The following GAREM2 variants were observed in gnomAD, a reference collection of about 807,000 sequenced individuals.
GAREM2 encodes the protein GRB2-associated and regulator of MAPK protein 2.
GAREM2 carries 30 observed loss-of-function variants against 55.6 expected under a neutral mutation model. The observed-to-expected ratio is 0.54, with a 90% confidence interval of 0.40 to 0.73. The LOEUF (loss-of-function observed/expected upper bound fraction) is 0.73, where lower values mean the gene tolerates loss of function less well. Ranked by LOEUF, GAREM2 falls within the 30% of genes least tolerant of loss-of-function variation. The pLI is 0.00. For synonymous variants in GAREM2, 550 were observed against 569.1 expected (o/e 0.97, Z 0.48); for missense variants, 1,075 against 1,257.7 (o/e 0.85, Z 2.20).
chr2:26,181,906 A>G (rs4665832), intron 2 of GAREM2: 479,214 of 600,004 alleles, frequency 0.8, 192,394 homozygotes, highest in African/African-American at 0.95. Flanking sequence ...TTGAGCCCAG[A>G]AGGTTGAAGC....
At chr2:26,201,375 G>T in the GAREM2 span, 1 of 1,210,994 alleles carries the variant, frequency 8.3e-7, no homozygotes, top group Non-Finnish European at 1.2e-6. Context: ...AACGTTTATT[G>T]AATGTCCATG....
chr2:26,204,088 G>C, the GAREM2 span: 1 of 1,613,944 alleles, frequency 6.2e-7, no homozygotes, highest in African/African-American at 1.3e-5. Context: ...GCTGTCCTCG[G>C]TCTAGCGCAG....
downstream of GAREM2, chr2:26,193,669 T>C: frequency 6.2e-7 from 1 of 1,613,986 alleles, no homozygotes; most frequent in Non-Finnish European, 8.5e-7. Flanking sequence ...TTCCGCCACA[T>C]GTTTCGCTAC....
chr2:26,184,536 C>A lies in GAREM2; in HGVS notation c.688C>A (p.Pro230Thr). The A allele has an allele frequency of 1.3e-6, 2 of 1,547,682 alleles. No homozygotes were observed. Among genetic ancestry groups the A allele is most frequent in the Non-Finnish European group, 1.7e-6 (2 of 1,145,856 alleles). The change falls in exon 4 of 6, where the codon CCC becomes ACC. Residue 230 changes from proline (P) to threonine (T), a missense_variant. Around this residue, in one of 6 missense-constraint regions of GAREM2, gnomAD observed 170 missense variants for 220.7 expected, o/e 0.77. Transcript: ENST00000401533. Reference protein sequence around the residue: ...NHRTNESLSLPFQCQGRFSTR... With the variant: ...NHRTNESLSLTFQCQGRFSTR... ...CCGCACCAACGAAAGCCTGAGCCTG[C>A]CCTTTCAGTGCCAGGGCCGCTTCAG...
chr2:26,195,062 ACT>A, the GAREM2 span: 3 of 1,594,630 alleles, frequency 1.9e-6, no homozygotes, highest in Non-Finnish European at 2.6e-6. Flanking sequence ...CTTTTCAAAA[ACT>A]CTGCAGCTCT....
At chr2:26,173,358 C>T in intron 1 of GAREM2, 26 bp downstream of exon 1, 4 of 1,276,768 alleles carry the variant, frequency 3.1e-6, no homozygotes, top group African/African-American at 1.5e-5. Flanking sequence ...GAGATGGGGA[C>T]CGGGGTCCGC....
chr2:26,192,529 G>A (rs894143144), downstream of GAREM2: 13 of 754,416 alleles, frequency 1.7e-5, no homozygotes, highest in African/African-American at 1.4e-4. Flanking sequence ...GCTCACGCCT[G>A]TAATCCCAGC....
the GAREM2 span, among the ~76,000 whole-genome samples, chr2:26,200,040 G>A: frequency 1.3e-5 from 2 of 152,238 alleles, no homozygotes; most frequent in African/African-American, 4.8e-5. Flanking sequence ...AGATACTAGA[G>A]AGGACAACCG....
In GAREM2 at chr2:26,188,279, A is replaced by AGCTGGAAT. The variant is rs1191851755; in HGVS notation, c.*28_*35dup. The AGCTGGAAT allele has an allele frequency of 4.2e-6, 6 of 1,425,186 alleles. No homozygotes were observed. Among genetic ancestry groups the AGCTGGAAT allele is most frequent in the Non-Finnish European group, 5.6e-6 (6 of 1,079,456 alleles). The allele number at this position is 1,425,186 out of a possible 1,614,324, so 88.3% of individuals were successfully genotyped here. A position where few individuals can be genotyped will look rare whatever the true frequency, so the allele number is the denominator to read the frequency against. On this transcript the variant is annotated 3_prime_UTR_variant, in exon 6 of 6. Transcript: ENST00000401533. ...CTGAACTGCCCAGCTGGAGCTGCAC[A>AGCTGGAAT]GCTGGAATGCTGGTATGGGGGCCCC...
chr2:26,191,098 G>T, downstream of GAREM2: 2 of 738,338 alleles, frequency 2.7e-6, no homozygotes, highest in Non-Finnish European at 2.4e-6. Flanking sequence ...GGGAGAGATG[G>T]TCTTGGCTGA....
chr2:26,173,754 C>T (rs910296668), intron 1 of GAREM2, among the ~76,000 whole-genome samples: 1 of 152,054 alleles, frequency 6.6e-6, no homozygotes, highest in South Asian at 2.1e-4. Context: ...CTTCCCCTTA[C>T]CGCCACCCCT....
chr2:26,190,873 GAC>G (rs886055861), downstream of GAREM2: 4 of 333,320 alleles, frequency 1.2e-5, no homozygotes, highest in South Asian at 6.5e-5. Context: ...CAAAGATGCT[GAC>G]ACAGAGTTTG....
intron 2 of GAREM2, chr2:26,181,083 G>A (rs1026425500): frequency 2.9e-5 from 29 of 985,280 alleles, no homozygotes; most frequent in Non-Finnish European, 3.3e-5. Context: ...CCCCTTACTG[G>A]TTTGTTTACC....
the GAREM2 span, among the ~76,000 whole-genome samples, chr2:26,197,424 C>G: frequency 6.6e-6 from 1 of 152,178 alleles, no homozygotes; most frequent in Non-Finnish European, 1.5e-5. Context: ...CCTTCAATGC[C>G]TAATTCTAGG....
downstream of GAREM2, chr2:26,192,366 C>T: frequency 6.2e-7 from 1 of 1,611,414 alleles, no homozygotes. Flanking sequence ...TGTCAGAATT[C>T]AAATCCTTCC....
chr2:26,193,903 C>G (rs1669585937), downstream of GAREM2: 1 of 716,508 alleles, frequency 1.4e-6, no homozygotes, highest in Non-Finnish European at 2.5e-6. Flanking sequence ...AGGCCCAGGA[C>G]TGGTGCTATT....
At chr2:26,191,515 A>T (rs1240187200), downstream of GAREM2, 4 of 1,613,984 alleles carry the variant, frequency 2.5e-6, no homozygotes, top group African/African-American at 4.0e-5. Context: ...AAGCCCAAAG[A>T]CGGCTCCGAT....
At chr2:26,201,012 G>A in the GAREM2 span, 97 of 741,032 alleles carry the variant, frequency 1.3e-4, no homozygotes, top group Non-Finnish European at 2.0e-4. Context: ...GATTATAGGC[G>A]TGAGCCACCA....
chr2:26,200,831 C>T, the GAREM2 span, among the ~76,000 whole-genome samples: 7 of 151,826 alleles, frequency 4.6e-5, no homozygotes, highest in Non-Finnish European at 5.9e-5. Context: ...CTCCCAGGTT[C>T]CAGTGATTCT....
Sources: allele counts gnomAD v4.1 joint callset (sites outside exome capture counted in the v4.1 genomes callset), GRCh38; gene constraint gnomAD v4.1.1; regional missense constraint gnomAD v4.1.1; transcripts MANE v1.5; gene names NCBI Gene and HGNC (gene_info 2026-07-23, HGNC 2026-07-21).